Variants in CCDC141 observed in about 807,000 individuals in gnomAD.
CCDC141 encodes the protein coiled-coil domain-containing protein 141.
Under a neutral mutation model 181.0 loss-of-function variants are expected in CCDC141, and 168 were observed. The ratio of observed to expected loss-of-function variants is 0.93; its 90% CI spans 0.82 to 1.05. CCDC141 has a LOEUF of 1.05. Ranked by LOEUF, CCDC141 falls within the 50% of genes least tolerant of loss-of-function variation. CCDC141 has a pLI of 0.00. For missense variants in CCDC141, 1,902 were observed against 1,788.5 expected (o/e 1.06, Z -1.14); for synonymous variants, 666 against 642.3 (o/e 1.04, Z -0.56).
intron 7 of CCDC141, among the ~76,000 whole-genome samples, chr2:178,908,485 C>T (rs1688080469): frequency 6.6e-6 from 1 of 152,162 alleles, no homozygotes; most frequent in Non-Finnish European, 1.5e-5. Flanking sequence ...AGCCACCGCG[C>T]CCAGCCGAGG....
intron 6 of CCDC141, among the ~76,000 whole-genome samples, chr2:178,937,689 A>G (rs555489892): frequency 2.1e-4 from 32 of 152,188 alleles, no homozygotes; most frequent in African/African-American, 7.5e-4. Context: ...TTTGGCTATG[A>G]ATCCATCTGG....
At chr2:178,901,161 A>G (rs967987097) in intron 8 of CCDC141, among the ~76,000 whole-genome samples, 1 of 152,104 alleles carries the variant, frequency 6.6e-6, no homozygotes, top group Non-Finnish European at 1.5e-5. Context: ...TGATCTCCCC[A>G]TGCGTGGCCA....
At chr2:178,955,803 C>G in intron 5 of CCDC141, among the ~76,000 whole-genome samples, 1 of 152,266 alleles carries the variant, frequency 6.6e-6, no homozygotes, top group East Asian at 1.9e-4. Flanking sequence ...AAAAAAGATA[C>G]TACTTTTTGT....
At chr2:178,991,695 A>C (rs1047334203) in intron 2 of CCDC141, among the ~76,000 whole-genome samples, 1 of 152,144 alleles carries the variant, frequency 6.6e-6, no homozygotes, top group African/African-American at 2.4e-5. Flanking sequence ...TGTCATCAAC[A>C]CAAAGAAATC....
At chr2:178,990,307 A>G (rs1291773630) in intron 2 of CCDC141, among the ~76,000 whole-genome samples, 2 of 151,958 alleles carry the variant, frequency 1.3e-5, no homozygotes, top group Non-Finnish European at 2.9e-5. Flanking sequence ...CAGAATTACC[A>G]TATGACCAAG....
At chr2:178,828,473 G>A (rs1398741615), downstream of CCDC141, among the ~76,000 whole-genome samples, 2 of 152,184 alleles carry the variant, frequency 1.3e-5, no homozygotes, top group African/African-American at 2.4e-5. Flanking sequence ...ACCAGAATGT[G>A]ATAAGAAATA....
intron 2 of CCDC141, among the ~76,000 whole-genome samples, chr2:179,025,847 G>A (rs183398484): frequency 1.3e-5 from 2 of 152,324 alleles, no homozygotes; most frequent in Admixed American, 1.3e-4. Context: ...GGCTGAGGTG[G>A]TCTCAAATGG....
In CCDC141 at chr2:178,905,324, CT is replaced by C; in HGVS notation, c.1265+4del. 1 of 1,538,122 alleles carries C rather than the reference CT, an allele frequency of 6.5e-7. No homozygotes were observed. The highest frequency in any genetic ancestry group is 2.5e-5 in the East Asian group (1 of 40,750). ...TACACTGAGAAAGAAATCAACTTTA[CT>C]CACCTGCAGGAGTCTACTTGGCTGA... On this transcript the variant is annotated splice_donor_region_variant and intron_variant, in intron 8 of 23. Transcript: ENST00000443758.
chr2:178,916,939 C>CT (rs35684887), intron 7 of CCDC141, among the ~76,000 whole-genome samples: 1,480 of 145,232 alleles, frequency 0.01, 16 homozygotes, highest in African/African-American at 0.027. Flanking sequence ...TCTTCTTCTT[C>CT]TTTTTTTTTT....
intron 7 of CCDC141, among the ~76,000 whole-genome samples, chr2:178,911,234 A>G (rs1398969198): frequency 1.3e-5 from 2 of 152,268 alleles, no homozygotes; most frequent in Non-Finnish European, 2.9e-5. Context: ...CATTAGAGAT[A>G]TAAAGACAAA....
At chr2:178,943,691 G>A (rs1425580256) in intron 6 of CCDC141, among the ~76,000 whole-genome samples, 1 of 152,002 alleles carries the variant, frequency 6.6e-6, no homozygotes, top group Non-Finnish European at 1.5e-5. Flanking sequence ...CATCTACTAT[G>A]ACGGACTTCT....
chr2:178,965,648 C>A (rs566340535), intron 4 of CCDC141, among the ~76,000 whole-genome samples: 1 of 152,230 alleles, frequency 6.6e-6, no homozygotes, highest in Non-Finnish European at 1.5e-5. Flanking sequence ...CCAGTGCCCA[C>A]CCCACCAGGG....
intron 6 of CCDC141, among the ~76,000 whole-genome samples, chr2:178,942,577 C>A (rs538290676): frequency 6.6e-6 from 1 of 152,290 alleles, no homozygotes; most frequent in African/African-American, 2.4e-5. Context: ...GATGTTCAAT[C>A]ATTCAATACA....
intron 6 of CCDC141, among the ~76,000 whole-genome samples, chr2:178,935,060 G>A (rs1558991272): frequency 6.6e-6 from 1 of 152,080 alleles, no homozygotes; most frequent in Non-Finnish European, 1.5e-5. Context: ...GGATGGGAAA[G>A]GAAACAAAAC....
In CCDC141 at chr2:179,015,074, A is replaced by ATTT. The variant is rs1472997549; in HGVS notation, c.225+32209_225+32210insAAA. On this transcript the variant is annotated intron_variant, in intron 2 of 23. Transcript: ENST00000443758. ...AACTGTGAGAGAGACAGAGATATAT[A>ATTT]TATATATATATATATATATATATAT... Among the ~76,000 whole-genome samples the ATTT allele has an allele frequency of 4.7e-4, 16 of 34,386 alleles. 1 individual carries two copies. The highest frequency in any genetic ancestry group is 1.1e-3 in the African/African-American group (14 of 12,992). 22.6% of individuals were successfully genotyped at this position (34,386 alleles called of 152,430 possible).
chr2:179,048,866 C>T (rs12467652), intron 1 of CCDC141, among the ~76,000 whole-genome samples: 17,771 of 152,162 alleles, frequency 0.12, 1,102 homozygotes, highest in Middle Eastern at 0.19. Context: ...TATGAATTTT[C>T]ACATTACCAT....
chr2:178,931,624 C>T (rs1454934350), intron 6 of CCDC141, among the ~76,000 whole-genome samples: 1 of 151,912 alleles, frequency 6.6e-6, no homozygotes, highest in African/African-American at 2.4e-5. Flanking sequence ...AATACATGGA[C>T]ACAGAAAGCA....
intron 22 of CCDC141, among the ~76,000 whole-genome samples, chr2:178,843,481 G>A (rs931339969): frequency 6.6e-6 from 1 of 152,018 alleles, no homozygotes. Flanking sequence ...GCTCACATTG[G>A]GAATAAAACA....
At chr2:178,921,623 C>G (rs931483785) in intron 6 of CCDC141, among the ~76,000 whole-genome samples, 4 of 152,012 alleles carry the variant, frequency 2.6e-5, no homozygotes, top group African/African-American at 9.7e-5. Flanking sequence ...TGAGACTCTC[C>G]TAGAGGAAAG....
Sources: allele counts gnomAD v4.1 joint callset (sites outside exome capture counted in the v4.1 genomes callset), GRCh38; gene constraint gnomAD v4.1.1; transcripts MANE v1.5; gene names NCBI Gene and HGNC (gene_info 2026-07-23, HGNC 2026-07-21).